The following SP110 variants were observed in gnomAD, a reference collection of about 807,000 sequenced individuals.
SP110 encodes interferon-induced protein 41, 30kD.
SP110 carries 62 observed loss-of-function variants against 92.7 expected under a neutral mutation model. The ratio of observed to expected loss-of-function variants is 0.67; its 90% CI spans 0.55 to 0.83. The LOEUF is 0.83. SP110 is among the 40% of genes least tolerant of loss of function. SP110 has a pLI of 0.00. For synonymous variants in SP110, 273 were observed against 305.3 expected (o/e 0.89, Z 1.10); for missense variants, 793 against 863.9 (o/e 0.92, Z 1.03).
At chr2:230,219,012 G>A (rs2045543812) in intron 1 of SP110, among the ~76,000 whole-genome samples, 4 of 152,156 alleles carry the variant, frequency 2.6e-5, no homozygotes, top group Admixed American at 1.3e-4. Context: ...ATCAGCTGAG[G>A]TCAGGAGTTC....
At position 230,167,109 on chromosome 2, in the gene SP110, T is replaced by A. The variant is rs981011776; in HGVS notation, c.*2015A>T. On this transcript the variant is annotated 3_prime_UTR_variant, in exon 19 of 19. Coordinates refer to ENST00000258381, the MANE Select transcript of SP110 (RefSeq NM_080424.4). ...CTATTTCTTTTGTTTTCTTTCCTTT[T>A]TTTTTTTTTTTTTTTGAGGCAGGGT... 3 of 147,058 alleles carry A rather than the reference T, an allele frequency of 2.0e-5. No individual in the cohort carries two copies. Among genetic ancestry groups the A allele is most frequent in the African/African-American group, 7.5e-5 (3 of 39,998 alleles). The allele number at this position is 147,058 out of a possible 1,614,324, so 9.1% of individuals were successfully genotyped here.
rs751347896 is a variant in SP110, at chr2:230,183,634, T to G, written c.1286A>C (p.Lys429Thr). 6.5e-7 allele frequency: 1 copy of G among 1,548,732 alleles called. No homozygotes were observed. Among genetic ancestry groups the G allele is most frequent in the African/African-American group, 1.4e-5 (1 of 73,666 alleles). ...CARKSRLKEK[K>T]KEKDICSSSK... ...GCTTGAACAGATATCTTTCTCCTTTTTCTTTTCTAAACACAGAATTAATAA... is the reference window on the plus strand; with the variant it reads ...GCTTGAACAGATATCTTTCTCCTTTGTCTTTTCTAAACACAGAATTAATAA... Residue 429 changes from lysine (K) to threonine (T), a missense_variant, in exon 12 of 19, where the codon AAA becomes ACA. Lys to Thr is a moderately conservative substitution (Grantham distance 78). Coordinates refer to ENST00000258381, the MANE Select transcript of SP110 (RefSeq NM_080424.4).
At chr2:230,175,815 G>C (rs918950361) in intron 14 of SP110, among the ~76,000 whole-genome samples, 1 of 152,144 alleles carries the variant, frequency 6.6e-6, no homozygotes, top group African/African-American at 2.4e-5. Context: ...TTCCATCCTG[G>C]TGCTACCAAT....
upstream of SP110, chr2:230,221,686 AATGTCAC>A: frequency 6.5e-7 from 1 of 1,535,610 alleles, no homozygotes; most frequent in Non-Finnish European, 8.7e-7. Flanking sequence ...ATTTTATGCA[AATGTCAC>A]ATGTCACTTA....
intron 6 of SP110, among the ~76,000 whole-genome samples, chr2:230,210,644 T>A (rs552337918): frequency 6.6e-6 from 1 of 152,288 alleles, no homozygotes; most frequent in East Asian, 1.9e-4. Context: ...CAAAGACATA[T>A]AAAGCTCTGC....
chr2:230,175,351 C>G (rs1242804542), intron 14 of SP110, among the ~76,000 whole-genome samples: 3 of 151,702 alleles, frequency 2.0e-5, no homozygotes, highest in Non-Finnish European at 4.4e-5. Context: ...AAACAAATAT[C>G]TATATCAAAG....
rs34906767 is a variant in SP110 at position 230,175,945 on chromosome 2, C to CTT, written c.1590+1591_1590+1592dup. Among the ~76,000 whole-genome samples, 995 of 130,762 alleles carry CTT rather than the reference C, an allele frequency of 7.6e-3. 23 individuals carry two copies. Among genetic ancestry groups the CTT allele is most frequent in the African/African-American group, 0.025 (897 of 35,816 alleles). The allele number at this position is 130,762 out of a possible 152,430, so 85.8% of individuals were successfully genotyped here. On this transcript the variant is annotated intron_variant, in intron 14 of 18. Transcript: ENST00000258381. ...CTTTTGCTTTTCATGCTGCAGCATT[C>CTT]TTTTTTTTTTTTTTCTGAGACAGGG...
chr2:230,208,122 G>A (rs935514815), intron 7 of SP110, 63 bp from the exon 8 acceptor site: 2 of 952,896 alleles, frequency 2.1e-6, no homozygotes, highest in African/African-American at 3.3e-5. Flanking sequence ...GTATGTCAAT[G>A]ATATTCAGCT....
At chr2:230,192,491 A>G (rs1051797832) in intron 10 of SP110, among the ~76,000 whole-genome samples, 3 of 152,146 alleles carry the variant, frequency 2.0e-5, no homozygotes, top group African/African-American at 4.8e-5. Flanking sequence ...TACACCAACA[A>G]TAGGCAAGCA....
chr2:230,182,913 A>C (rs1181276781), intron 12 of SP110, among the ~76,000 whole-genome samples: 1 of 152,212 alleles, frequency 6.6e-6, no homozygotes. Flanking sequence ...CAGTTGGTTT[A>C]CAAGCTCCTT....
intron 10 of SP110, among the ~76,000 whole-genome samples, chr2:230,196,203 T>G (rs1022046042): frequency 6.6e-6 from 1 of 152,204 alleles, no homozygotes; most frequent in South Asian, 2.1e-4. Flanking sequence ...AGCTTGTGTT[T>G]AAGAATCAAT....
chr2:230,178,900 A>G (rs1409402857), intron 12 of SP110, among the ~76,000 whole-genome samples: 3 of 152,194 alleles, frequency 2.0e-5, no homozygotes, highest in African/African-American at 4.8e-5. Flanking sequence ...GTTTAAAATA[A>G]ATCTCAGCAA....
rs1012393898 is a variant in SP110 at position 230,169,035 on chromosome 2, T to A, written c.*89A>T. ...TGGGTCCTGAGGGCAGCCAATTACA[T>A]CCCAGACTCACTGGCAATCAACAGT... On this transcript the variant is annotated 3_prime_UTR_variant, in exon 19 of 19. Coordinates refer to ENST00000258381, the MANE Select transcript of SP110 (RefSeq NM_080424.4). 2 of 871,826 alleles carry A rather than the reference T, an allele frequency of 2.3e-6. No individual in the cohort carries two copies. Among genetic ancestry groups the A allele is most frequent in the Non-Finnish European group, 3.9e-6 (2 of 508,388 alleles). 54.0% of individuals were successfully genotyped at this position (871,826 alleles called of 1,614,324 possible). A position where few individuals can be genotyped will look rare whatever the true frequency, so the allele number is the denominator to read the frequency against.
At chr2:230,199,240 A>C in intron 10 of SP110, among the ~76,000 whole-genome samples, 3 of 112,726 alleles carry the variant, frequency 2.7e-5, no homozygotes, top group East Asian at 2.6e-4. Context: ...ACAGAGTCTC[A>C]CTCTGTCACC....
intron 12 of SP110, among the ~76,000 whole-genome samples, chr2:230,179,158 G>A (rs750301151): frequency 5.8e-4 from 89 of 152,214 alleles, no homozygotes; most frequent in Non-Finnish European, 9.7e-4. Context: ...TGAAGGAACA[G>A]TATCAGCGGC....
chr2:230,212,568 G>A (rs1259479347), intron 4 of SP110, 138 bp from the exon 5 acceptor site: 12 of 1,037,342 alleles, frequency 1.2e-5, no homozygotes, highest in Non-Finnish European at 1.8e-5. Flanking sequence ...GTGGGAAGCA[G>A]GTGTTCTGGA....
intron 10 of SP110, among the ~76,000 whole-genome samples, chr2:230,198,677 C>T (rs1216205646): frequency 3.3e-5 from 5 of 152,072 alleles, no homozygotes; most frequent in Non-Finnish European, 7.4e-5. Flanking sequence ...TCACTGCAAC[C>T]TCTGCCTCCT....
chr2:230,217,563 G>A (rs1177466606), intron 1 of SP110, among the ~76,000 whole-genome samples: 2 of 152,232 alleles, frequency 1.3e-5, no homozygotes, highest in African/African-American at 4.8e-5. Flanking sequence ...GGTTTCATAT[G>A]CAGTAACTTA....
At chr2:230,187,673 G>A (rs919552308) in intron 10 of SP110, among the ~76,000 whole-genome samples, 3 of 152,054 alleles carry the variant, frequency 2.0e-5, no homozygotes, top group African/African-American at 7.2e-5. Flanking sequence ...TTTGTATAAG[G>A]TGGGAAATAG....
Sources: allele counts gnomAD v4.1 joint callset (sites outside exome capture counted in the v4.1 genomes callset), GRCh38; gene constraint gnomAD v4.1.1; transcripts MANE v1.5; gene names NCBI Gene and HGNC (gene_info 2026-07-23, HGNC 2026-07-21).